The following SLC8A1 variants were observed in gnomAD, a reference collection of about 807,000 sequenced individuals.
SLC8A1 encodes sodium/calcium exchanger 1.
Under a neutral mutation model 68.3 loss-of-function variants are expected in SLC8A1, and 18 were observed. The ratio of observed to expected loss-of-function variants is 0.26; its 90% CI spans 0.18 to 0.39. SLC8A1 has a LOEUF of 0.39. SLC8A1 is among the 10% of genes least tolerant of loss of function. SLC8A1 has a pLI of 1.00. For synonymous variants in SLC8A1, 475 were observed against 415.5 expected (o/e 1.14, Z -1.74); for missense variants, 985 against 1,156.7 (o/e 0.85, Z 2.15).
At chr2:40,259,404 T>C (rs998921665) in intron 2 of SLC8A1, among the ~76,000 whole-genome samples, 1 of 152,216 alleles carries the variant, frequency 6.6e-6, no homozygotes, top group Non-Finnish European at 1.5e-5. Context: ...GAAAAGGTAA[T>C]ATCTTTTAAT....
intron 2 of SLC8A1, among the ~76,000 whole-genome samples, chr2:40,340,893 T>C (rs1428160568): frequency 6.6e-6 from 1 of 152,164 alleles, no homozygotes; most frequent in Non-Finnish European, 1.5e-5. Context: ...CCAAATACAC[T>C]GGAGACTTGT....
intron 2 of SLC8A1, among the ~76,000 whole-genome samples, chr2:40,183,105 A>T (rs2049946387): frequency 6.6e-6 from 1 of 152,218 alleles, no homozygotes; most frequent in Non-Finnish European, 1.5e-5. Flanking sequence ...TAACAGCCCT[A>T]GAAGTAATTC....
chr2:40,471,119 C>G (rs1703964752), intron 1 of SLC8A1, among the ~76,000 whole-genome samples: 1 of 152,122 alleles, frequency 6.6e-6, no homozygotes, highest in African/African-American at 2.4e-5. Context: ...GTTTCTGAAA[C>G]AGCAAACCTC....
At chr2:40,350,378 G>C (rs1670676082) in intron 2 of SLC8A1, among the ~76,000 whole-genome samples, 1 of 151,900 alleles carries the variant, frequency 6.6e-6, no homozygotes, top group Non-Finnish European at 1.5e-5. Context: ...CTACTCAGGA[G>C]GCTGAGGTGG....
intron 2 of SLC8A1, among the ~76,000 whole-genome samples, chr2:40,236,130 G>C (rs1007920546): frequency 6.6e-6 from 1 of 152,012 alleles, no homozygotes; most frequent in Non-Finnish European, 1.5e-5. Context: ...TTGGTGCAGA[G>C]CTGAGTTCAA....
chr2:40,398,750 G>A (rs1407594760), intron 2 of SLC8A1, among the ~76,000 whole-genome samples: 1 of 152,018 alleles, frequency 6.6e-6, no homozygotes, highest in Non-Finnish European at 1.5e-5. Context: ...TCCCCATATT[G>A]ATATTTAGCT....
At chr2:40,384,299 A>T (rs941299503) in intron 2 of SLC8A1, among the ~76,000 whole-genome samples, 7 of 152,252 alleles carry the variant, frequency 4.6e-5, no homozygotes, top group African/African-American at 1.7e-4. Flanking sequence ...AAGAATTATT[A>T]AACTGTTATT....
At chr2:40,098,768 T>C (rs984916077) in exon 8 of SLC8A1, 2 of 152,042 alleles carry the variant, frequency 1.3e-5, no homozygotes, top group African/African-American at 4.8e-5. Context: ...TTAAAAAATA[T>C]TTTCCTTGGT....
chr2:40,505,759 G>C (rs1467218252), intron 1 of SLC8A1, among the ~76,000 whole-genome samples: 1 of 151,972 alleles, frequency 6.6e-6, no homozygotes, highest in South Asian at 2.1e-4. Flanking sequence ...GAGTACTGGT[G>C]TTAAAGATGT....
At chr2:40,424,991 G>A (rs1460449703) in intron 2 of SLC8A1, among the ~76,000 whole-genome samples, 1 of 151,682 alleles carries the variant, frequency 6.6e-6, no homozygotes, top group Non-Finnish European at 1.5e-5. Context: ...CAAATGTGTA[G>A]ATATTACCTA....
At chr2:40,391,484 C>A (rs1384393395) in intron 2 of SLC8A1, among the ~76,000 whole-genome samples, 1 of 151,960 alleles carries the variant, frequency 6.6e-6, no homozygotes, top group Non-Finnish European at 1.5e-5. Flanking sequence ...AGCTGAATTT[C>A]TCTCCCTCCA....
intron 2 of SLC8A1, among the ~76,000 whole-genome samples, chr2:40,424,585 A>C (rs988486974): frequency 2.0e-5 from 3 of 151,868 alleles, no homozygotes; most frequent in African/African-American, 7.2e-5. Context: ...TAATGAAGTT[A>C]CAACTACACT....
intron 2 of SLC8A1, among the ~76,000 whole-genome samples, chr2:40,374,052 G>A (rs1468218467): frequency 6.6e-6 from 1 of 152,092 alleles, no homozygotes; most frequent in Admixed American, 6.6e-5. Context: ...GGTAAAGTTT[G>A]GACTTTTCCA....
At chr2:40,503,263 C>G (rs539562181) in intron 1 of SLC8A1, among the ~76,000 whole-genome samples, 1 of 152,098 alleles carries the variant, frequency 6.6e-6, no homozygotes, top group East Asian at 1.9e-4. Context: ...TCCCTCAACC[C>G]ACATCTCTAC....
At chr2:40,356,518 T>G (rs1011310606) in intron 2 of SLC8A1, among the ~76,000 whole-genome samples, 6 of 150,484 alleles carry the variant, frequency 4.0e-5, no homozygotes, top group Non-Finnish European at 7.4e-5. Context: ...CATTAGAAGA[T>G]ACCAAGAAAA....
At chr2:40,117,135 C>T (rs1235187309) in intron 7 of SLC8A1, 1 of 151,970 alleles carries the variant, frequency 6.6e-6, no homozygotes, top group Non-Finnish European at 1.5e-5. Context: ...ACAATATAAA[C>T]CGAGCAGGCT....
At chr2:40,305,808 T>C (rs1320822441) in intron 2 of SLC8A1, among the ~76,000 whole-genome samples, 2 of 152,184 alleles carry the variant, frequency 1.3e-5, no homozygotes, top group Non-Finnish European at 2.9e-5. Context: ...AGATAGAGTA[T>C]AGACATTTGT....
chr2:40,205,885 A>C (rs1377130424), intron 2 of SLC8A1, among the ~76,000 whole-genome samples: 1 of 151,540 alleles, frequency 6.6e-6, no homozygotes, highest in African/African-American at 2.4e-5. Flanking sequence ...TGAGCTGTGT[A>C]TAACTGGCCC....
chr2:40,249,308 T>A (rs2062370565), intron 2 of SLC8A1, among the ~76,000 whole-genome samples: 1 of 152,216 alleles, frequency 6.6e-6, no homozygotes, highest in Non-Finnish European at 1.5e-5. Context: ...GTATATACTT[T>A]CAAAACCTTT....
Sources: allele counts gnomAD v4.1 joint callset (sites outside exome capture counted in the v4.1 genomes callset), GRCh38; gene constraint gnomAD v4.1.1; transcripts MANE v1.5; gene names NCBI Gene and HGNC (gene_info 2026-07-23, HGNC 2026-07-21).